The following PLEKHA5 variants were observed in gnomAD, a reference collection of about 807,000 sequenced individuals.
PLEKHA5 encodes pleckstrin homology domain containing A5, also known as pleckstrin homology domain-containing family A member 5.
Under a neutral mutation model 181.9 loss-of-function variants are expected in PLEKHA5, and 55 were observed. The ratio of observed to expected loss-of-function variants is 0.30; its 90% confidence interval spans 0.24 to 0.38. The LOEUF (loss-of-function observed/expected upper bound fraction) is 0.38, where lower values mean the gene tolerates loss of function less well. Ranked by LOEUF, PLEKHA5 falls within the 10% of genes least tolerant of loss-of-function variation. The pLI, the probability that PLEKHA5 is intolerant of heterozygous loss-of-function variation, is 1.00. For synonymous variants in PLEKHA5, 535 were observed against 529.4 expected (o/e 1.01, Z -0.15); for missense variants, 1,432 against 1,549.5 (o/e 0.92, Z 1.27).
intron 16 of PLEKHA5, 53 bp downstream of exon 16, chr12:19,314,947 G>A (rs2088012966): frequency 2.2e-6 from 2 of 895,242 alleles, no homozygotes; most frequent in Non-Finnish European, 3.7e-6. Flanking sequence ...AAATCCCTCA[G>A]TGACAGTTTT....
chr12:19,214,816 C>T (rs191246262), intron 3 of PLEKHA5, among the ~76,000 whole-genome samples: 1 of 152,030 alleles, frequency 6.6e-6, no homozygotes, highest in Admixed American at 6.5e-5. Context: ...AATTGTTCAT[C>T]ACATCATTCA....
intron 2 of PLEKHA5, among the ~76,000 whole-genome samples, chr12:19,131,325 A>C (rs894012134): frequency 6.6e-6 from 1 of 152,200 alleles, no homozygotes; most frequent in Non-Finnish European, 1.5e-5. Flanking sequence ...ATGTCTCCAA[A>C]TTTGCAAAAA....
chr12:19,365,168 G>A (rs548094706), intron 29 of PLEKHA5, among the ~76,000 whole-genome samples: 346 of 151,934 alleles, frequency 2.3e-3, no homozygotes, highest in African/African-American at 7.9e-3. Flanking sequence ...TCAGGAGATC[G>A]AGACCATCCT....
intron 3 of PLEKHA5, among the ~76,000 whole-genome samples, chr12:19,168,223 C>T (rs942356902): frequency 3.3e-5 from 5 of 152,066 alleles, no homozygotes; most frequent in African/African-American, 1.2e-4. Context: ...CTTCTGGCTG[C>T]CATTTTGCTG....
At chr12:19,369,902 A>G (rs1165671119) in intron 31 of PLEKHA5, 104 bp downstream of exon 31, 2 of 513,104 alleles carry the variant, frequency 3.9e-6, no homozygotes, top group East Asian at 3.4e-5. Context: ...TGGACTGTAC[A>G]TAGGGATAGT....
chr12:19,361,781 A>G (rs1050539460), intron 29 of PLEKHA5, 75 bp downstream of exon 29: 2 of 1,292,438 alleles, frequency 1.5e-6, no homozygotes, highest in South Asian at 2.6e-5. Context: ...TTCAGAGTCA[A>G]AAGTACTGGA....
At chr12:19,223,877 A>T (rs565069316) in intron 3 of PLEKHA5, among the ~76,000 whole-genome samples, 8 of 152,284 alleles carry the variant, frequency 5.3e-5, no homozygotes, top group African/African-American at 1.9e-4. Context: ...CTTCCAGGAT[A>T]GCCAGGGATC....
At chr12:19,184,857 A>G (rs777329773) in intron 3 of PLEKHA5, among the ~76,000 whole-genome samples, 3 of 152,218 alleles carry the variant, frequency 2.0e-5, no homozygotes, top group Non-Finnish European at 2.9e-5. Flanking sequence ...GGGAATACCT[A>G]TAAAAATCAG....
intron 3 of PLEKHA5, among the ~76,000 whole-genome samples, chr12:19,212,259 A>G (rs1162225461): frequency 6.6e-6 from 1 of 152,206 alleles, no homozygotes; most frequent in Non-Finnish European, 1.5e-5. Context: ...ACTGCCCTCC[A>G]GCCTGGGAGA....
At chr12:19,189,988 A>G (rs781267776) in intron 3 of PLEKHA5, among the ~76,000 whole-genome samples, 11 of 152,114 alleles carry the variant, frequency 7.2e-5, no homozygotes, top group Admixed American at 6.5e-5. Context: ...CAAAGACATT[A>G]ATTTGTTTCT....
chr12:19,365,260 G>A (rs1248268104), intron 29 of PLEKHA5, among the ~76,000 whole-genome samples: 6 of 151,904 alleles, frequency 3.9e-5, no homozygotes, highest in East Asian at 3.9e-4. Flanking sequence ...CCTGCTACTC[G>A]GGAGGCTGAG....
intron 3 of PLEKHA5, among the ~76,000 whole-genome samples, chr12:19,160,251 A>T (rs1284454764): frequency 3.3e-5 from 5 of 152,094 alleles, no homozygotes; most frequent in Non-Finnish European, 7.4e-5. Flanking sequence ...GTTATTGAAC[A>T]CTGACAGTCA....
At chr12:19,370,903 G>A (rs1437006667) in intron 31 of PLEKHA5, 4 of 151,640 alleles carry the variant, frequency 2.6e-5, no homozygotes, top group Admixed American at 2.6e-4. Flanking sequence ...TGTCCACGCT[G>A]GTCTCAAACT....
intron 7 of PLEKHA5, among the ~76,000 whole-genome samples, chr12:19,264,603 C>A (rs371476724): frequency 3.3e-5 from 5 of 152,202 alleles, no homozygotes; most frequent in African/African-American, 1.2e-4. Flanking sequence ...TACGCATTAA[C>A]GAATCGTACC....
At chr12:19,169,796 G>A (rs4537819) in intron 3 of PLEKHA5, among the ~76,000 whole-genome samples, 136,580 of 152,162 alleles carry the variant, frequency 0.9, 61,914 homozygotes, top group Non-Finnish European at 0.97. Flanking sequence ...ACAGTCTCTT[G>A]GACTTGGATT....
chr12:19,292,722 T>A (rs1179324146), intron 15 of PLEKHA5, among the ~76,000 whole-genome samples: 1 of 152,180 alleles, frequency 6.6e-6, no homozygotes, highest in African/African-American at 2.4e-5. Flanking sequence ...GTGGATCACC[T>A]AAGGTCAGGA....
chr12:19,362,766 A>G (rs964441226), intron 29 of PLEKHA5, among the ~76,000 whole-genome samples: 2 of 152,044 alleles, frequency 1.3e-5, no homozygotes, highest in Non-Finnish European at 2.9e-5. Context: ...TCTCAAAAAA[A>G]TTTTAAAAAG....
At chr12:19,298,354 C>T (rs1376309184) in intron 15 of PLEKHA5, among the ~76,000 whole-genome samples, 2 of 146,888 alleles carry the variant, frequency 1.4e-5, no homozygotes, top group Non-Finnish European at 3.0e-5. Context: ...ATTTAGTGCT[C>T]TTACATTATT....
intron 3 of PLEKHA5, among the ~76,000 whole-genome samples, chr12:19,228,691 A>G (rs891255783): frequency 6.6e-6 from 1 of 152,216 alleles, no homozygotes; most frequent in Non-Finnish European, 1.5e-5. Flanking sequence ...GCAGTAGCAT[A>G]TCTAATATTC....
Sources: allele counts gnomAD v4.1 joint callset (sites outside exome capture counted in the v4.1 genomes callset), GRCh38; gene constraint gnomAD v4.1.1; transcripts MANE v1.5; gene names NCBI Gene and HGNC (gene_info 2026-07-23, HGNC 2026-07-21).